Variants in PNRC2 observed in about 807,000 individuals in gnomAD.
The protein encoded by PNRC2 is proline rich nuclear receptor coactivator 2.
PNRC2 carries 2 observed loss-of-function variants against 12.2 expected under a neutral mutation model. The ratio of observed to expected loss-of-function variants is 0.16; its 90% CI spans 0.07 to 0.52. The LOEUF is 0.52. Ranked by LOEUF, PNRC2 falls within the 20% of genes least tolerant of loss-of-function variation. PNRC2 has a pLI of 0.95. For missense variants in PNRC2, 115 were observed against 158.4 expected, an observed-to-expected ratio of 0.73 and a Z score of 1.47; for synonymous variants, 44 against 53.9, an observed-to-expected ratio of 0.82 and a Z score of 0.80.
Position 23,962,734 on chromosome 1 carries a change from G to GA in PNRC2, c.*859dup, listed in dbSNP as rs1380253680. On this transcript the variant is annotated 3_prime_UTR_variant, in exon 3 of 3. Coordinates refer to ENST00000334351, the MANE Select transcript of PNRC2 (RefSeq NM_017761.4). ...TGGAGTATTTTAGTATGAATTTGCT[G>GA]AATGTAAGACCGTGGACTGTTTTTT... The GA allele has an allele frequency of 1.8e-5, 3 of 167,006 alleles. No homozygotes were observed. Among genetic ancestry groups the GA allele is most frequent in the Admixed American group, 6.5e-5 (1 of 15,270 alleles). The allele number at this position is 167,006 out of a possible 1,614,324, so 10.3% of individuals were successfully genotyped here. A position where few individuals can be genotyped will look rare whatever the true frequency, so the allele number is the denominator to read the frequency against.
At position 23,961,931 on chromosome 1, in the gene PNRC2, T is replaced by C. The variant is rs1474477187; in HGVS notation, c.*54T>C. ...GTTCACGGATAGTTGTCAATTGGTC[T>C]GAAACAAATTCGCTAGGGAATCTAT... On this transcript the variant is annotated 3_prime_UTR_variant, in exon 3 of 3. Coordinates refer to ENST00000334351, the MANE Select transcript of PNRC2 (RefSeq NM_017761.4). The C allele has an allele frequency of 2.8e-6, 3 of 1,077,982 alleles. No homozygotes were observed. Among genetic ancestry groups the C allele is most frequent in the African/African-American group, 1.6e-5 (1 of 63,736 alleles). 66.8% of individuals were successfully genotyped at this position (1,077,982 alleles called of 1,614,324 possible).
At chr1:23,959,652 C>T (rs941559880), upstream of PNRC2, among the ~76,000 whole-genome samples, 3 of 152,180 alleles carry the variant, frequency 2.0e-5, no homozygotes, top group African/African-American at 7.2e-5. Context: ...CCGGCATGCT[C>T]CTCCTCCCCG....
At position 23,961,839 on chromosome 1, in the gene PNRC2, A is replaced by G; in HGVS notation, c.382A>G (p.Thr128Ala). The G allele has an allele frequency of 6.9e-6, 11 of 1,589,894 alleles. No homozygotes were observed. Among genetic ancestry groups the G allele is most frequent in the Non-Finnish European group, 9.5e-6 (11 of 1,163,148 alleles). The change falls in exon 3 of 3, where the codon ACA becomes GCA. Residue 128 changes from threonine (T) to alanine (A), a missense_variant. This residue lies in a region of PNRC2 where 17 missense variants were observed against 46.0 expected (regional missense o/e 0.37). Transcript: ENST00000334351. ...SFNPSDKEIM[T>A]FQLKTLLKVQ... ...TAATCCTTCAGATAAGGAAATAATGACATTTCAACTTAAAACCTTACTTAA... is the reference window on the plus strand; with the variant it reads ...TAATCCTTCAGATAAGGAAATAATGGCATTTCAACTTAAAACCTTACTTAA...
chr1:23,962,798 T>C lies in PNRC2; in HGVS notation c.*921T>C, dbSNP rs1641305952. ...ATTTTAAAGGTCCAAAATAACTTGT[T>C]TTTAAAGTTTGCCCTTGTGCTAAAG... On this transcript the variant is annotated 3_prime_UTR_variant, in exon 3 of 3. Transcript: ENST00000334351. 6.0e-6 allele frequency: 1 copy of C among 166,934 alleles called. No individual in the cohort carries two copies. Among genetic ancestry groups the C allele is most frequent in the Non-Finnish European group, 1.5e-5 (1 of 68,060 alleles). 10.3% of individuals were successfully genotyped at this position (166,934 alleles called of 1,614,324 possible).
intron 1 of PNRC2, among the ~76,000 whole-genome samples, chr1:23,960,628 CT>C (rs1641259564): frequency 6.6e-6 from 1 of 152,176 alleles, no homozygotes; most frequent in Non-Finnish European, 1.5e-5. Context: ...ACATTTAACA[CT>C]TCCTTGATTT....
chr1:23,961,898 T>C lies in PNRC2; in HGVS notation c.*21T>C. 2 of 1,460,438 alleles carry C rather than the reference T, an allele frequency of 1.4e-6. No homozygotes were observed. The highest frequency in any genetic ancestry group is 9.4e-7 in the Non-Finnish European group (1 of 1,069,002). 90.5% of individuals were successfully genotyped at this position (1,460,438 alleles called of 1,614,324 possible). On this transcript the variant is annotated 3_prime_UTR_variant, in exon 3 of 3. Coordinates refer to ENST00000334351, the MANE Select transcript of PNRC2 (RefSeq NM_017761.4). ...TATAAAATAAGACAAATGTTTAAAT[T>C]TAGTTATGTTCACGGATAGTTGTCA...
chr1:23,960,214 T>C (rs955761912), intron 1 of PNRC2, among the ~76,000 whole-genome samples: 1 of 152,076 alleles, frequency 6.6e-6, no homozygotes, highest in African/African-American at 2.4e-5. Context: ...CGGGTTCGAG[T>C]TGGGAATTAC....
chr1:23,961,398 T>C (rs1158082760), intron 2 of PNRC2, 42 bp from the exon 3 acceptor site: 3 of 1,420,502 alleles, frequency 2.1e-6, no homozygotes, highest in Non-Finnish European at 2.9e-6. Flanking sequence ...TGAACTTTTC[T>C]TAATGGAATT....
In PNRC2 at chr1:23,960,892, T is replaced by G. The variant is rs985490987; in HGVS notation, c.-224-37T>G. On this transcript the variant is annotated intron_variant, in intron 1 of 2. Transcript: ENST00000334351. ...AATCTAAATGATCACTTTCTCAACG[T>G]GTTTTTGAAATAATGAAGTAATCTT... 7.8e-5 allele frequency: 31 copies of G among 398,296 alleles called. No homozygotes were observed. In the East Asian group the frequency reaches 9.6e-4, roughly 12 times the overall value. 24.7% of individuals were successfully genotyped at this position (398,296 alleles called of 1,614,324 possible).
chr1:23,961,692 T>C lies in PNRC2; in HGVS notation c.235T>C (p.Ser79Pro). Reference protein sequence around the residue: ...PNNQSWNSSLSGPRLLFKSQA... With the variant: ...PNNQSWNSSLPGPRLLFKSQA... ...TAATCAAAGTTGGAATTCTAGCTTA[T>C]CAGGTCCCAGGTTACTTTTTAAATC... Residue 79 changes from serine to proline, a missense_variant, in exon 3 of 3, where the codon TCA (serine) becomes CCA (proline). Transcript: ENST00000334351. The C allele has an allele frequency of 6.2e-7, 1 of 1,614,030 alleles. No individual in the cohort carries two copies. The highest frequency in any genetic ancestry group is 1.1e-5 in the South Asian group (1 of 91,070).
In PNRC2 at chr1:23,961,869, C is replaced by T. The variant is rs1429516009; in HGVS notation, c.412C>T (p.Gln138Ter). The T allele has an allele frequency of 6.5e-7, 1 of 1,538,124 alleles. No homozygotes were observed. Among genetic ancestry groups the T allele is most frequent in the East Asian group, 2.3e-5 (1 of 44,394 alleles). ...TCAACTTAAAACCTTACTTAAAGTA[C>T]AGGTATAAAATAAGACAAATGTTTA... Reference protein sequence around the residue: ...TFQLKTLLKVQV With the variant: ...TFQLKTLLKV Residue 138 changes from glutamine to a stop codon, truncating the protein, a stop_gained, in exon 3 of 3, where the codon CAG (glutamine) becomes TAG (stop). Transcript: ENST00000334351. LOFTEE classifies it high-confidence loss of function.
chr1:23,960,285 C>T (rs979380034), intron 1 of PNRC2, among the ~76,000 whole-genome samples: 12 of 152,210 alleles, frequency 7.9e-5, no homozygotes, highest in African/African-American at 2.9e-4. Context: ...GCTCTCTTAC[C>T]CCTTTGAAAG....
Position 23,961,607 on chromosome 1 carries a change from C to T in PNRC2, c.150C>T (p.Asn50=). 2 of 1,613,968 alleles carry T rather than the reference C, an allele frequency of 1.2e-6. No individual in the cohort carries two copies. The highest frequency in any genetic ancestry group is 1.7e-6 in the Non-Finnish European group (2 of 1,179,846). ...HKKKERGHGY[N]SSAAAWQAMQ... is the part of the protein sequence containing the mutation. ...AAAAAGAAAGAGGACATGGTTATAA[C>T]TCATCAGCAGCTGCCTGGCAGGCCA... Residue 50 remains asparagine (N), a synonymous_variant, in exon 3 of 3, where the codon AAC becomes AAT. Transcript: ENST00000334351.
rs1641267890 is a variant in PNRC2, at chr1:23,961,082, C to G, written c.-71C>G. ...ACACTTGTTATCTTGGGCTTGGCAGCAAGGAAGAGGACAGGTAGTGGAGAT... is the reference window on the plus strand; with the variant it reads ...ACACTTGTTATCTTGGGCTTGGCAGGAAGGAAGAGGACAGGTAGTGGAGAT... On this transcript the variant is annotated 5_prime_UTR_variant, in exon 2 of 3. Transcript: ENST00000334351. 2.4e-6 allele frequency: 1 copy of G among 408,478 alleles called. No homozygotes were observed. The highest frequency in any genetic ancestry group is 4.1e-5 in the Admixed American group (1 of 24,344). 25.3% of individuals were successfully genotyped at this position (408,478 alleles called of 1,614,324 possible). A position where few individuals can be genotyped will look rare whatever the true frequency, so the allele number is the denominator to read the frequency against.
Position 23,963,448 on chromosome 1 carries a change from GTTTTA to G in PNRC2, c.*1577_*1581del, listed in dbSNP as rs1418757293. ...AATAAAATTTTTCCCCATTGGCTTG[GTTTTA>G]TTTTAAAAATGGTTTTGATTGCTTA... On this transcript the variant is annotated 3_prime_UTR_variant, in exon 3 of 3. Coordinates refer to ENST00000334351, the MANE Select transcript of PNRC2 (RefSeq NM_017761.4). The G allele has an allele frequency of 1.2e-5, 2 of 164,350 alleles. No homozygotes were observed. The highest frequency in any genetic ancestry group is 2.4e-5 in the African/African-American group (1 of 41,408). 10.2% of individuals were successfully genotyped at this position (164,350 alleles called of 1,614,324 possible). A position where few individuals can be genotyped will look rare whatever the true frequency, so the allele number is the denominator to read the frequency against.
In PNRC2 at chr1:23,961,909, C is replaced by T. The variant is rs1641285640; in HGVS notation, c.*32C>T. 7.2e-7 allele frequency: 1 copy of T among 1,381,698 alleles called. No individual in the cohort carries two copies. Among genetic ancestry groups the T allele is most frequent in the East Asian group, 2.3e-5 (1 of 43,388 alleles). The allele number at this position is 1,381,698 out of a possible 1,614,324, so 85.6% of individuals were successfully genotyped here. The stretch of plus-strand genomic sequence containing the variant: ...ACAAATGTTTAAATTTAGTTATGTT[C>T]ACGGATAGTTGTCAATTGGTCTGAA... On this transcript the variant is annotated 3_prime_UTR_variant, in exon 3 of 3. Coordinates refer to ENST00000334351, the MANE Select transcript of PNRC2 (RefSeq NM_017761.4).
Position 23,963,209 on chromosome 1 carries a change from G to GT in PNRC2, c.*1333dup, listed in dbSNP as rs569361477. 104 of 167,192 alleles carry GT rather than the reference G, an allele frequency of 6.2e-4. No individual in the cohort carries two copies. Among genetic ancestry groups the GT allele is most frequent in the African/African-American group, 2.4e-3 (101 of 41,584 alleles). 10.4% of individuals were successfully genotyped at this position (167,192 alleles called of 1,614,324 possible). ...AAATGCTTAAACATAAGCGAAACCA[G>GT]TAGCAAGTATGTGGGTCAGCTTAAA... On this transcript the variant is annotated 3_prime_UTR_variant, in exon 3 of 3. Coordinates refer to ENST00000334351, the MANE Select transcript of PNRC2 (RefSeq NM_017761.4).
upstream of PNRC2, chr1:23,959,812 C>G (rs1641241974): frequency 2.0e-5 from 3 of 152,408 alleles, no homozygotes; most frequent in Admixed American, 2.0e-4. Flanking sequence ...TCTGCAGTCG[C>G]TGCCGACTCC....
In PNRC2 at chr1:23,962,391, T is replaced by C. The variant is rs1641298233; in HGVS notation, c.*514T>C. 1.8e-5 allele frequency: 3 copies of C among 168,040 alleles called. No individual in the cohort carries two copies. The highest frequency in any genetic ancestry group is 2.0e-4 in the South Asian group (1 of 4,908). 10.4% of individuals were successfully genotyped at this position (168,040 alleles called of 1,614,324 possible). On this transcript the variant is annotated 3_prime_UTR_variant, in exon 3 of 3. Transcript: ENST00000334351. The stretch of plus-strand genomic sequence containing the variant: ...GGTGGAAAGGGCATTTGGAGCTCAT[T>C]AGAATGAGACATAGTACACCCCAAT...
Sources: gnomAD v4.1 joint callset for allele counts (sites outside exome capture counted in the v4.1 genomes callset) on GRCh38, gnomAD v4.1.1 for gene constraint, gnomAD v4.1.1 regional missense constraint, MANE v1.5 for transcripts, NCBI Gene and HGNC (gene_info 2026-07-23, HGNC 2026-07-21) for gene names.